Variants in POLD1 observed in about 807,000 individuals in gnomAD.
The protein encoded by POLD1 is DNA polymerase delta catalytic subunit.
A neutral mutation model predicts 129.7 loss-of-function variants in POLD1; 79 were observed. That is an observed-to-expected ratio of 0.61 (90% confidence interval 0.51 to 0.73). The LOEUF (loss-of-function observed/expected upper bound fraction) is 0.73. Among genes scored for constraint, POLD1 ranks in the 30% least tolerant of loss-of-function variants. The pLI, the probability that POLD1 is intolerant of heterozygous loss-of-function variation, is 0.00. For missense variants in POLD1, 1,338 were observed against 1,595.8 expected (o/e 0.84, Z 2.75); for synonymous variants, 714 against 683.3 (o/e 1.04, Z -0.70).
intron 20 of POLD1, 81 bp from the exon 21 acceptor site, chr19:50,415,357 T>C: frequency 7.2e-7 from 1 of 1,395,230 alleles, no homozygotes; most frequent in Non-Finnish European, 1.0e-6. Context: ...CTCATCCTGG[T>C]CTCCAGCCCT....
At chr19:50,397,269 C>T (rs1157077335) in intron 1 of POLD1, among the ~76,000 whole-genome samples, 2 of 151,056 alleles carry the variant, frequency 1.3e-5, no homozygotes, top group Non-Finnish European at 3.0e-5. Flanking sequence ...CATGGTGGCG[C>T]GTGCTTGTAA....
At chr19:50,402,588 C>T (rs763077260) in intron 7 of POLD1, 24 bp from the exon 8 acceptor site, 1 of 1,570,666 alleles carries the variant, frequency 6.4e-7, no homozygotes, top group African/African-American at 1.4e-5. Context: ...CCTGCTGCCA[C>T]CGCTGACCCA....
chr19:50,394,765 C>T (rs1205155258), intron 1 of POLD1, among the ~76,000 whole-genome samples: 1 of 152,138 alleles, frequency 6.6e-6, no homozygotes, highest in Non-Finnish European at 1.5e-5. Flanking sequence ...CCAGCCGCAT[C>T]TAGGATCTGC....
chr19:50,412,203 A>G (rs747527149), intron 17 of POLD1, among the ~76,000 whole-genome samples: 3 of 152,134 alleles, frequency 2.0e-5, no homozygotes, highest in African/African-American at 4.8e-5. Flanking sequence ...CCCAGGCTGG[A>G]GTGCAATGCC....
chr19:50,394,384 G>T (rs1228097325), intron 1 of POLD1, among the ~76,000 whole-genome samples: 1 of 152,170 alleles, frequency 6.6e-6, no homozygotes, highest in Admixed American at 6.5e-5. Flanking sequence ...GGGCGCGGTG[G>T]CTCACACCCA....
At chr19:50,416,555 C>T (rs2122493689) in intron 23 of POLD1, 27 bp downstream of exon 23, 1 of 1,547,854 alleles carries the variant, frequency 6.5e-7, no homozygotes, top group South Asian at 1.2e-5. Flanking sequence ...GGACTGGGGG[C>T]ACCCTGGGGG....
chr19:50,398,465 G>A (rs938980651), intron 1 of POLD1, among the ~76,000 whole-genome samples: 4 of 151,590 alleles, frequency 2.6e-5, no homozygotes, highest in African/African-American at 4.9e-5. Context: ...CCAGCTACTC[G>A]GGAGGCTGAG....
chr19:50,416,582 G>A lies in POLD1; in HGVS notation c.2954-28G>A, dbSNP rs3219443. The A allele has an allele frequency of 1.7e-4, 257 of 1,547,748 alleles. 1 individual carries two copies. In the East Asian group the frequency reaches 1.9e-3, roughly 12 times the overall value. Reference sequence around the variant, plus strand: ...CCCTGGGGGGGCAGAGGAGATCACCGGCCCACCACCTGCCTCCTCTCCTGC... The same window carrying A: ...CCCTGGGGGGGCAGAGGAGATCACCAGCCCACCACCTGCCTCCTCTCCTGC... On this transcript the variant is annotated intron_variant, in intron 23 of 26. Transcript: ENST00000440232.
rs774971120 is a variant in POLD1, at chr19:50,414,952, C to A, written c.2526C>A (p.Asn842Lys). 1.2e-6 allele frequency: 2 copies of A among 1,606,290 alleles called. No individual in the cohort carries two copies. Among genetic ancestry groups the A allele is most frequent in the African/African-American group, 1.3e-5 (1 of 74,764 alleles). Residue 842 changes from asparagine (N) to lysine (K), a missense_variant, in exon 20 of 27, where the codon AAC (asparagine) becomes AAA (lysine). Asn to Lys is a moderately conservative substitution (Grantham distance 94). This residue lies in a region of POLD1 where 720 missense variants were observed against 1,002.6 expected (regional missense o/e 0.72). Transcript: ENST00000440232. Reference protein sequence around the residue: ...VRRDNCPLVANLVTASLRRLL... With the variant: ...VRRDNCPLVAKLVTASLRRLL... Reference sequence around the variant, plus strand: ...GGGACAACTGCCCCCTCGTGGCCAACCTGGTCACTGCCTCACTGCGCCGCC... The same window carrying A: ...GGGACAACTGCCCCCTCGTGGCCAAACTGGTCACTGCCTCACTGCGCCGCC...
At chr19:50,391,304 G>A (rs1247437931) in intron 1 of POLD1, among the ~76,000 whole-genome samples, 1 of 152,176 alleles carries the variant, frequency 6.6e-6, no homozygotes, top group African/African-American at 2.4e-5. Context: ...GTGGCGGCCG[G>A]GCAGAGGCTG....
rs2039287588 is a variant in POLD1, at chr19:50,416,312, T to C, written c.2821-84T>C. 1.4e-6 allele frequency: 2 copies of C among 1,446,920 alleles called. 1 individual carries two copies. The highest frequency in any genetic ancestry group is 1.9e-6 in the Non-Finnish European group (2 of 1,073,172). 89.6% of individuals were successfully genotyped at this position (1,446,920 alleles called of 1,614,324 possible). Reference sequence around the variant, plus strand: ...ACAGCCCGCAGGCAGGCCTAGGCCCTAAGCCCCAGGCCCCATGACCACCCC... The same window carrying C: ...ACAGCCCGCAGGCAGGCCTAGGCCCCAAGCCCCAGGCCCCATGACCACCCC... On this transcript the variant is annotated intron_variant, in intron 22 of 26. Transcript: ENST00000440232.
At chr19:50,395,910 G>T (rs1237342561) in intron 1 of POLD1, among the ~76,000 whole-genome samples, 3 of 137,360 alleles carry the variant, frequency 2.2e-5, no homozygotes, top group African/African-American at 2.9e-5. Context: ...TTGAGACAGG[G>T]TATTGCCATC....
chr19:50,398,382 G>C (rs2038447305), intron 1 of POLD1, among the ~76,000 whole-genome samples: 1 of 151,966 alleles, frequency 6.6e-6, no homozygotes, highest in Admixed American at 6.6e-5. Flanking sequence ...GACCAGCCTG[G>C]CCAACATGGC....
chr19:50,399,007 G>A lies in POLD1; in HGVS notation c.156G>A (p.Glu52=), dbSNP rs370359745. ...EEMEAEHRLQ[E]QEEEELQSVL... ...TGGAGGCAGAACACAGGCTGCAGGA[G>A]CAGGAGGAGGAGGAGCTGCAGTCAG... is the stretch of plus-strand genomic sequence containing the variant. Residue 52 remains glutamate (E), a synonymous_variant, in exon 2 of 27, where the codon GAG becomes GAA. Coordinates refer to ENST00000440232, the MANE Select transcript of POLD1 (RefSeq NM_002691.4). 3.1e-5 allele frequency: 48 copies of A among 1,563,408 alleles called. No homozygotes were observed. The highest frequency in any genetic ancestry group is 3.9e-5 in the Non-Finnish European group (45 of 1,153,654).
Position 50,386,087 on chromosome 19 carries a change from G to C in POLD1, c.-2+1697G>C, listed in dbSNP as rs200895964. Among the ~76,000 whole-genome samples, 13 of 152,258 alleles carry C rather than the reference G, an allele frequency of 8.5e-5. No individual in the cohort carries two copies. The East Asian group carries it at 2.5e-3, about 29-fold the overall frequency. On this transcript the variant is annotated intron_variant, in intron 1 of 26. Coordinates refer to ENST00000440232, the MANE Select transcript of POLD1 (RefSeq NM_002691.4). ...GCCAAGAGAAGAACCTGTGCGCTCA[G>C]GGAAGACTCACCAGAGTGGTTGATA...
At chr19:50,401,354 T>TG (rs539031446) in intron 3 of POLD1, among the ~76,000 whole-genome samples, 1 of 126,816 alleles carries the variant, frequency 7.9e-6, no homozygotes, top group African/African-American at 3.3e-5. Context: ...TGTGTGTGTA[T>TG]TTGTGTATAT....
Position 50,409,700 on chromosome 19 carries a change from G to T in POLD1, c.2154+34G>T. 6.4e-7 allele frequency: 1 copy of T among 1,573,192 alleles called. No homozygotes were observed. The highest frequency in any genetic ancestry group is 8.6e-7 in the Non-Finnish European group (1 of 1,156,982). ...TCGGGCCCCTGGAAGGCAACTGGGG[G>T]CAGGTGGGCCCCCTGTGTAGGAGAC... On this transcript the variant is annotated intron_variant, in intron 17 of 26. Coordinates refer to ENST00000440232, the MANE Select transcript of POLD1 (RefSeq NM_002691.4). The surrounding 1 kb of genome is among the most constrained non-coding windows in gnomAD (Gnocchi z 5.8).
intron 10 of POLD1, among the ~76,000 whole-genome samples, chr19:50,404,570 CTTTCTTTTT>C (rs2038797605): frequency 2.1e-5 from 2 of 94,560 alleles, no homozygotes; most frequent in Non-Finnish European, 4.2e-5. Flanking sequence ...CCCCTTTTCT[CTTTCTTTTT>C]TTTTTTTTTT....
chr19:50,405,019 C>T (rs2038822761), intron 10 of POLD1, among the ~76,000 whole-genome samples: 1 of 152,064 alleles, frequency 6.6e-6, no homozygotes, highest in South Asian at 2.1e-4. Context: ...CCCACTTCGG[C>T]CTCCCAAAGT....
Sources: allele counts gnomAD v4.1 joint callset (sites outside exome capture counted in the v4.1 genomes callset), GRCh38; gene constraint gnomAD v4.1.1; regional missense constraint gnomAD v4.1.1; non-coding constraint Gnocchi (gnomAD v3.1); transcripts MANE v1.5; gene names NCBI Gene and HGNC (gene_info 2026-07-23, HGNC 2026-07-21).